NRG1: variants seen among roughly 807,000 people sequenced by gnomAD.
NRG1 encodes pro-neuregulin-1, membrane-bound isoform.
In NRG1, 18 loss-of-function variants were observed where a neutral mutation model predicts 63.8. The observed-to-expected ratio is 0.28, with a 90% CI of 0.19 to 0.42. NRG1 has a LOEUF of 0.42. Among genes scored for constraint, NRG1 ranks in the 10% least tolerant of loss-of-function variants. NRG1 has a pLI of 1.00. For missense variants in NRG1, 762 were observed against 814.7 expected (o/e 0.94, Z 0.79); for synonymous variants, 302 against 301.3 (o/e 1.00, Z -0.02).
chr8:31,816,978 T>C (rs1220046724), intron 1 of NRG1, among the ~76,000 whole-genome samples: 1 of 152,218 alleles, frequency 6.6e-6, no homozygotes, highest in African/African-American at 2.4e-5. Flanking sequence ...TTTGTCATTG[T>C]TCAAACAATA....
intron 5 of NRG1, among the ~76,000 whole-genome samples, chr8:32,652,186 T>C (rs1309347855): frequency 6.6e-6 from 1 of 152,196 alleles, no homozygotes. Flanking sequence ...GACTGAGAAT[T>C]AGGGAAGTAC....
intron 1 of NRG1, among the ~76,000 whole-genome samples, chr8:31,948,604 C>T (rs1283315601): frequency 6.6e-6 from 1 of 152,074 alleles, no homozygotes; most frequent in African/African-American, 2.4e-5. Context: ...AGCTAATTTC[C>T]CAAAGATCAA....
At chr8:32,604,966 C>T (rs1845019534) in intron 2 of NRG1, among the ~76,000 whole-genome samples, 1 of 152,040 alleles carries the variant, frequency 6.6e-6, no homozygotes, top group South Asian at 2.1e-4. Flanking sequence ...GTATTAAGAA[C>T]CTTTCATGTG....
chr8:31,930,452 C>A (rs1353593050), intron 1 of NRG1, among the ~76,000 whole-genome samples: 2 of 152,046 alleles, frequency 1.3e-5, no homozygotes, highest in Non-Finnish European at 2.9e-5. Context: ...CAAAGTAAAT[C>A]ACAATAATTA....
intron 1 of NRG1, among the ~76,000 whole-genome samples, chr8:31,737,249 T>C (rs1814770748): frequency 6.6e-6 from 1 of 152,146 alleles, no homozygotes; most frequent in Non-Finnish European, 1.5e-5. Flanking sequence ...AAACTCATTG[T>C]AGATACCACT....
At chr8:32,100,160 T>C (rs2131350485) in intron 1 of NRG1, among the ~76,000 whole-genome samples, 1 of 152,142 alleles carries the variant, frequency 6.6e-6, no homozygotes, top group South Asian at 2.1e-4. Flanking sequence ...TCCTCCTTTC[T>C]GCCTTTACTT....
intron 1 of NRG1, among the ~76,000 whole-genome samples, chr8:32,229,617 C>T (rs190405175): frequency 2.6e-5 from 4 of 152,238 alleles, no homozygotes; most frequent in Admixed American, 1.3e-4. Flanking sequence ...ATCTTTAAAG[C>T]ACCGTCTGCC....
chr8:32,185,101 T>A (rs1025961042), intron 1 of NRG1, among the ~76,000 whole-genome samples: 3 of 152,204 alleles, frequency 2.0e-5, no homozygotes, highest in African/African-American at 7.2e-5. Flanking sequence ...TCTTTCATCC[T>A]TCTAAGTTCT....
chr8:32,329,378 T>C (rs368765566), intron 1 of NRG1, among the ~76,000 whole-genome samples: 56 of 152,346 alleles, frequency 3.7e-4, no homozygotes, highest in East Asian at 2.9e-3. Flanking sequence ...AAAATGTAGA[T>C]TATATGTAGA....
rs922802506 is a variant in NRG1, at chr8:31,980,146, T to C, written c.37+340715T>C. On this transcript the variant is annotated intron_variant, in intron 1 of 10. Coordinates refer to the NRG1 transcript ENST00000519301. ...GGTTCAGGATTTGAACCTACATTTT[T>C]AACCACTGTGCTCTAGGAACTTAGT... Among the ~76,000 whole-genome samples, 6 of 152,186 alleles carry C rather than the reference T, an allele frequency of 3.9e-5. 1 individual carries two copies. In the East Asian group the frequency reaches 5.8e-4, roughly 15 times the overall value.
chr8:31,898,379 T>A (rs993088907), intron 1 of NRG1, among the ~76,000 whole-genome samples: 1 of 152,178 alleles, frequency 6.6e-6, no homozygotes, highest in Non-Finnish European at 1.5e-5. Flanking sequence ...CTCAGAGTAA[T>A]TCCCATGACA....
At chr8:31,815,899 A>C (rs1005675237) in intron 1 of NRG1, among the ~76,000 whole-genome samples, 1 of 151,168 alleles carries the variant, frequency 6.6e-6, no homozygotes, top group African/African-American at 2.4e-5. Flanking sequence ...TTGTATTTCT[A>C]TAGTTGTTAT....
chr8:31,683,842 T>A (rs761972859), intron 1 of NRG1, among the ~76,000 whole-genome samples: 23 of 152,174 alleles, frequency 1.5e-4, no homozygotes, highest in Non-Finnish European at 2.8e-4. Context: ...TATGTTGCTG[T>A]GAACCTGAAA....
At chr8:31,919,448 T>C (rs1156711144) in intron 1 of NRG1, among the ~76,000 whole-genome samples, 2 of 151,840 alleles carry the variant, frequency 1.3e-5, no homozygotes, top group African/African-American at 4.8e-5. Context: ...AAAAGACAAC[T>C]ACCTTTAGTA....
At chr8:32,313,714 T>C (rs1857069293) in intron 1 of NRG1, among the ~76,000 whole-genome samples, 1 of 152,192 alleles carries the variant, frequency 6.6e-6, no homozygotes, top group South Asian at 2.1e-4. Flanking sequence ...ATATTTCTGA[T>C]TATACTGTAA....
At chr8:32,743,288 C>T (rs2129040952) in intron 7 of NRG1, 1 of 916,564 alleles carries the variant, frequency 1.1e-6, no homozygotes, top group Non-Finnish European at 1.3e-6. Context: ...AAAAAAGCAT[C>T]AAGTAGGAAA....
intron 1 of NRG1, among the ~76,000 whole-genome samples, chr8:32,245,129 G>A (rs976739098): frequency 1.1e-4 from 16 of 152,132 alleles, no homozygotes; most frequent in Admixed American, 3.3e-4. Context: ...TCTGGCCTGC[G>A]TGTAATCTGC....
chr8:32,233,353 C>T (rs1253532149), intron 1 of NRG1, among the ~76,000 whole-genome samples: 4 of 151,680 alleles, frequency 2.6e-5, no homozygotes, highest in African/African-American at 9.7e-5. Flanking sequence ...CACAAGCAAT[C>T]CTCCCACCTC....
At chr8:31,711,957 T>A (rs965503289) in intron 1 of NRG1, among the ~76,000 whole-genome samples, 1 of 152,144 alleles carries the variant, frequency 6.6e-6, no homozygotes, top group Admixed American at 6.5e-5. Context: ...CCTAATACCA[T>A]CACCTTGGAA....
Sources: gnomAD v4.1 joint callset for allele counts (sites outside exome capture counted in the v4.1 genomes callset) on GRCh38, gnomAD v4.1.1 for gene constraint, MANE v1.5 for transcripts, NCBI Gene and HGNC (gene_info 2026-07-23, HGNC 2026-07-21) for gene names.